Variants in MKLN1 observed in about 807,000 individuals in gnomAD.
The protein encoded by MKLN1 is muskelin.
A neutral mutation model predicts 99.0 loss-of-function variants in MKLN1; 18 were observed. The observed-to-expected ratio is 0.18, with a 90% CI of 0.13 to 0.27. MKLN1 has a LOEUF of 0.27. Ranked by LOEUF, MKLN1 falls within the 10% of genes least tolerant of loss-of-function variation. The probability of loss-of-function intolerance (pLI) is 1.00; values close to 1 mark genes in which losing one functional copy is unlikely to be tolerated. For missense variants in MKLN1, 621 were observed against 875.9 expected (o/e 0.71, Z 3.67); for synonymous variants, 288 against 293.2 (o/e 0.98, Z 0.18).
At chr7:131,164,954 A>G (rs1247215054) in intron 2 of MKLN1, among the ~76,000 whole-genome samples, 1 of 152,210 alleles carries the variant, frequency 6.6e-6, no homozygotes, top group Non-Finnish European at 1.5e-5. Flanking sequence ...ACGGATCCTC[A>G]AGGAGCTTAT....
intron 4 of MKLN1, among the ~76,000 whole-genome samples, chr7:131,391,525 G>C (rs1327926821): frequency 6.6e-6 from 1 of 152,154 alleles, no homozygotes; most frequent in Non-Finnish European, 1.5e-5. Flanking sequence ...GTCATAAATT[G>C]TTAACAAGGA....
At chr7:131,431,416 A>C (rs1795518387) in intron 9 of MKLN1, among the ~76,000 whole-genome samples, 1 of 152,142 alleles carries the variant, frequency 6.6e-6, no homozygotes, top group South Asian at 2.1e-4. Flanking sequence ...ATGAGTCTAC[A>C]AGTTGGCTCG....
chr7:131,330,533 G>A (rs2116692286), intron 1 of MKLN1, among the ~76,000 whole-genome samples: 1 of 152,244 alleles, frequency 6.6e-6, no homozygotes, highest in Non-Finnish European at 1.5e-5. Context: ...CTTGCCTAAG[G>A]TCACACAGCT....
At chr7:131,145,716 T>G (rs1563230768) in intron 2 of MKLN1, among the ~76,000 whole-genome samples, 1 of 152,256 alleles carries the variant, frequency 6.6e-6, no homozygotes. Flanking sequence ...AGATTTGATC[T>G]CTTCTGGGTA....
chr7:131,193,814 G>T (rs1796603241), intron 2 of MKLN1, among the ~76,000 whole-genome samples: 1 of 151,936 alleles, frequency 6.6e-6, no homozygotes, highest in Non-Finnish European at 1.5e-5. Context: ...TTTTTGTAGA[G>T]ATGTGGTTTC....
chr7:131,383,541 A>C (rs576835391), intron 2 of MKLN1, among the ~76,000 whole-genome samples: 5 of 152,344 alleles, frequency 3.3e-5, no homozygotes, highest in African/African-American at 1.2e-4. Flanking sequence ...ATCATGAGAA[A>C]TCATGAACCA....
chr7:131,147,293 G>T (rs914370438), intron 2 of MKLN1, among the ~76,000 whole-genome samples: 2 of 150,694 alleles, frequency 1.3e-5, no homozygotes, highest in African/African-American at 4.9e-5. Context: ...CCTGACCTCA[G>T]GTGATCCACC....
At chr7:131,115,915 G>A (rs1306095999) in intron 1 of MKLN1, among the ~76,000 whole-genome samples, 2 of 152,004 alleles carry the variant, frequency 1.3e-5, no homozygotes, top group Non-Finnish European at 2.9e-5. Context: ...TCATAGTAAT[G>A]GAACTTTATT....
At chr7:131,387,369 G>A (rs1445879524) in intron 3 of MKLN1, 107 bp downstream of exon 3, 4 of 1,040,816 alleles carry the variant, frequency 3.8e-6, no homozygotes, top group Non-Finnish European at 5.5e-6. Context: ...GGAGAAAAGA[G>A]TATTCCTTCT....
At chr7:131,420,240 T>C (rs1161303172) in intron 8 of MKLN1, among the ~76,000 whole-genome samples, 1 of 149,610 alleles carries the variant, frequency 6.7e-6, no homozygotes, top group Non-Finnish European at 1.5e-5. Flanking sequence ...TGGCTGCTTA[T>C]GAAAGAGTAG....
intron 16 of MKLN1, 99 bp from the exon 17 acceptor site, chr7:131,478,524 T>A (rs1797026554): frequency 8.2e-7 from 1 of 1,225,486 alleles, no homozygotes; most frequent in African/African-American, 1.6e-5. Flanking sequence ...AAATACGTAG[T>A]TGCTGATAAA....
intron 3 of MKLN1, among the ~76,000 whole-genome samples, chr7:131,244,120 C>T (rs887408585): frequency 6.6e-6 from 1 of 152,112 alleles, no homozygotes; most frequent in Admixed American, 6.6e-5. Flanking sequence ...TTAAAAAAAT[C>T]GAGTGGTACC....
At chr7:131,282,215 G>T (rs1798061782) in intron 3 of MKLN1, among the ~76,000 whole-genome samples, 1 of 152,070 alleles carries the variant, frequency 6.6e-6, no homozygotes, top group African/African-American at 2.4e-5. Flanking sequence ...TGGGCATGGT[G>T]GCGCATGCCT....
chr7:131,271,778 G>A (rs915463798), intron 3 of MKLN1, among the ~76,000 whole-genome samples: 6 of 151,318 alleles, frequency 4.0e-5, no homozygotes, highest in South Asian at 2.1e-4. Flanking sequence ...GTGTGGTGGT[G>A]CGCACCTGCT....
chr7:131,454,670 A>G (rs1285909712), intron 12 of MKLN1, among the ~76,000 whole-genome samples: 2 of 152,224 alleles, frequency 1.3e-5, no homozygotes, highest in Non-Finnish European at 2.9e-5. Flanking sequence ...AGTCATTATT[A>G]TCCTTTGGCA....
intron 1 of MKLN1, among the ~76,000 whole-genome samples, chr7:131,335,185 G>A (rs1483475585): frequency 6.6e-6 from 1 of 152,096 alleles, no homozygotes; most frequent in Non-Finnish European, 1.5e-5. Flanking sequence ...AGATGTTTCA[G>A]TTAGAAAATT....
chr7:131,312,357 T>A lies in MKLN1; in HGVS notation c.-178-63067T>A, dbSNP rs552590413. Among the ~76,000 whole-genome samples, 8 of 152,284 alleles carry A rather than the reference T, an allele frequency of 5.3e-5. No individual in the cohort carries two copies. In the South Asian group the frequency reaches 1.7e-3, roughly 32 times the overall value. ...AACTGCATAAAATTTCTATAACCTT[T>A]AAAAATTTTTCTATTAAAGAGCAGA... On this transcript the variant is annotated intron_variant, in intron 3 of 7. Transcript: ENST00000416992.
chr7:131,191,717 CTTT>C (rs566378729), intron 2 of MKLN1, among the ~76,000 whole-genome samples: 1 of 137,828 alleles, frequency 7.3e-6, no homozygotes. Flanking sequence ...CTTTTTTTTC[CTTT>C]TTTTTTTTTT....
intron 2 of MKLN1, among the ~76,000 whole-genome samples, chr7:131,164,727 A>G (rs940178031): frequency 3.3e-5 from 5 of 152,238 alleles, no homozygotes; most frequent in African/African-American, 7.2e-5. Context: ...TGTCATTCAG[A>G]TGAGATGACA....
Sources: allele counts gnomAD v4.1 joint callset (sites outside exome capture counted in the v4.1 genomes callset), GRCh38; gene constraint gnomAD v4.1.1; transcripts MANE v1.5; gene names NCBI Gene and HGNC (gene_info 2026-07-23, HGNC 2026-07-21).